HS6ST3: variants seen among roughly 807,000 people sequenced by gnomAD.
HS6ST3 encodes heparan sulfate 6-O-sulfotransferase 3.
In HS6ST3, 12 loss-of-function variants were observed where a neutral mutation model predicts 36.7. The observed-to-expected ratio is 0.33, with a 90% confidence interval of 0.21 to 0.53. The LOEUF is 0.53. Ranked by LOEUF, HS6ST3 falls within the 20% of genes least tolerant of loss-of-function variation. The pLI, the probability that HS6ST3 is intolerant of heterozygous loss-of-function variation, is 0.95. For missense variants in HS6ST3, 584 were observed against 640.9 expected, an observed-to-expected ratio of 0.91 and a Z score of 0.96; for synonymous variants, 240 against 257.5, an observed-to-expected ratio of 0.93 and a Z score of 0.65.
intron 1 of HS6ST3, among the ~76,000 whole-genome samples, chr13:96,296,319 A>G (rs998958004): frequency 1.4e-4 from 22 of 152,196 alleles, no homozygotes; most frequent in Admixed American, 1.3e-4. Context: ...CAGTATTAAT[A>G]TCAAAAGTAT....
At chr13:96,234,086 G>A (rs1182763164) in intron 1 of HS6ST3, among the ~76,000 whole-genome samples, 1 of 148,296 alleles carries the variant, frequency 6.7e-6, no homozygotes, top group Non-Finnish European at 1.5e-5. Flanking sequence ...TTGGGTCTTT[G>A]TTTTTTCATC....
At chr13:96,175,748 C>T (rs1033043989) in intron 1 of HS6ST3, among the ~76,000 whole-genome samples, 2 of 148,926 alleles carry the variant, frequency 1.3e-5, no homozygotes, top group Non-Finnish European at 3.0e-5. Context: ...CTTCTCACAT[C>T]TTCAAAGCGG....
intron 1 of HS6ST3, among the ~76,000 whole-genome samples, chr13:96,770,836 A>G (rs1393585196): frequency 6.6e-6 from 1 of 152,212 alleles, no homozygotes; most frequent in African/African-American, 2.4e-5. Context: ...GAGGTTGCAC[A>G]TGCATAATCA....
intron 1 of HS6ST3, among the ~76,000 whole-genome samples, chr13:96,787,119 T>A (rs950533206): frequency 1.3e-5 from 2 of 152,214 alleles, no homozygotes; most frequent in Non-Finnish European, 2.9e-5. Flanking sequence ...GTTTATCTAT[T>A]CACCTGTTGG....
intron 1 of HS6ST3, among the ~76,000 whole-genome samples, chr13:96,180,094 CA>C (rs1409051502): frequency 6.6e-6 from 1 of 152,180 alleles, no homozygotes; most frequent in Non-Finnish European, 1.5e-5. Flanking sequence ...CTCAGCCTCC[CA>C]AAGTGTTGGG....
Position 96,582,654 on chromosome 13 carries a change from A to G in HS6ST3, c.708-249836A>G, listed in dbSNP as rs115803497. Among the ~76,000 whole-genome samples the G allele has an allele frequency of 5.8e-3, 881 of 152,270 alleles. 5 individuals carry two copies. Among genetic ancestry groups the G allele is most frequent in the African/African-American group, 0.02 (833 of 41,570 alleles). On this transcript the variant is annotated intron_variant, in intron 1 of 1. Transcript: ENST00000376705. ...AAATTTCAGAATTGATTAGGTACTT[A>G]TCTGATCTCCTGTATAAATAATATA...
intron 1 of HS6ST3, among the ~76,000 whole-genome samples, chr13:96,095,595 G>A (rs2053786244): frequency 6.6e-6 from 1 of 152,142 alleles, no homozygotes. Flanking sequence ...CTGGAGATTT[G>A]GGGTCTTTCT....
chr13:96,485,456 T>C (rs2055909443), intron 1 of HS6ST3, among the ~76,000 whole-genome samples: 1 of 152,208 alleles, frequency 6.6e-6, no homozygotes, highest in Non-Finnish European at 1.5e-5. Flanking sequence ...CTTGCTGTAA[T>C]TGTCTACAAG....
chr13:96,558,731 AATG>A (rs1258620169), intron 1 of HS6ST3, among the ~76,000 whole-genome samples: 1 of 152,210 alleles, frequency 6.6e-6, no homozygotes, highest in Admixed American at 6.5e-5. Flanking sequence ...TCATTTTAAG[AATG>A]ATAATTGTAA....
intron 1 of HS6ST3, among the ~76,000 whole-genome samples, chr13:96,206,382 C>A (rs994138371): frequency 1.3e-5 from 2 of 152,168 alleles, no homozygotes; most frequent in African/African-American, 4.8e-5. Context: ...GGCCATACTG[C>A]CCAAAGTAGT....
At position 96,538,696 on chromosome 13, in the gene HS6ST3, G is replaced by A. The variant is rs151119933; in HGVS notation, c.708-293794G>A. Among the ~76,000 whole-genome samples the A allele has an allele frequency of 5.6e-4, 86 of 152,276 alleles. No homozygotes were observed. The East Asian group carries it at 0.014, about 25-fold the overall frequency. The stretch of plus-strand genomic sequence containing the variant: ...TGGCCTCAAGTGATCCGCCTGCCTC[G>A]GCCTCCCATAGTGCTGGGATTACAG... On this transcript the variant is annotated intron_variant, in intron 1 of 1. Coordinates refer to ENST00000376705, the MANE Select transcript of HS6ST3 (RefSeq NM_153456.4).
chr13:96,814,066 C>G (rs1301082181), intron 1 of HS6ST3, among the ~76,000 whole-genome samples: 1 of 152,072 alleles, frequency 6.6e-6, no homozygotes, highest in Non-Finnish European at 1.5e-5. Flanking sequence ...GAAAAATTTG[C>G]TCTCCTGTAT....
chr13:96,519,202 A>G (rs2056083980), intron 1 of HS6ST3, among the ~76,000 whole-genome samples: 1 of 152,298 alleles, frequency 6.6e-6, no homozygotes, highest in African/African-American at 2.4e-5. Context: ...CGCAAGGTTA[A>G]TGCTGCCTTT....
intron 1 of HS6ST3, among the ~76,000 whole-genome samples, chr13:96,365,205 C>G (rs1192280247): frequency 6.6e-6 from 1 of 152,128 alleles, no homozygotes; most frequent in Non-Finnish European, 1.5e-5. Context: ...ATGTACTTTG[C>G]CAGGTCTGGG....
chr13:96,326,364 TC>T (rs2055031678), intron 1 of HS6ST3, among the ~76,000 whole-genome samples: 1 of 135,302 alleles, frequency 7.4e-6, no homozygotes, highest in Non-Finnish European at 1.5e-5. Flanking sequence ...TGTGTGATGT[TC>T]CCCTTCCCGT....
chr13:96,217,575 A>C (rs2054433368), intron 1 of HS6ST3, among the ~76,000 whole-genome samples: 1 of 152,162 alleles, frequency 6.6e-6, no homozygotes, highest in African/African-American at 2.4e-5. Context: ...CCATCCATCC[A>C]TCCATCCATC....
At chr13:96,831,790 A>G (rs1875957959) in intron 1 of HS6ST3, among the ~76,000 whole-genome samples, 1 of 151,910 alleles carries the variant, frequency 6.6e-6, no homozygotes, top group Admixed American at 6.6e-5. Context: ...CCCCATCTCT[A>G]TTAAAAATAC....
At position 96,304,711 on chromosome 13, in the gene HS6ST3, C is replaced by CTTTCTTTCTTTCT. The variant is rs766397124; in HGVS notation, c.707+213145_707+213146insCTTTCTTTCTTTT. 3.4e-4 allele frequency among the ~76,000 whole-genome samples: 30 copies of CTTTCTTTCTTTCT among 89,324 alleles called. 1 individual carries two copies. Among genetic ancestry groups the CTTTCTTTCTTTCT allele is most frequent in the Non-Finnish European group, 5.7e-4 (25 of 43,874 alleles). The allele number at this position is 89,324 out of a possible 152,430, so 58.6% of individuals were successfully genotyped here. A position where few individuals can be genotyped will look rare whatever the true frequency, so the allele number is the denominator to read the frequency against. ...TCTTTCTTTCTTTCTTTCTTTCTTTCTTTTTTTTTTTTTTTTTTTTACAGA... is the reference window on the plus strand; with the variant it reads ...TCTTTCTTTCTTTCTTTCTTTCTTTCTTTCTTTCTTTCTTTTTTTTTTTTTTTTTTTTTACAGA... On this transcript the variant is annotated intron_variant, in intron 1 of 1. Coordinates refer to ENST00000376705, the MANE Select transcript of HS6ST3 (RefSeq NM_153456.4).
At chr13:96,796,638 G>A (rs796518997) in intron 1 of HS6ST3, among the ~76,000 whole-genome samples, 10 of 152,046 alleles carry the variant, frequency 6.6e-5, no homozygotes, top group African/African-American at 1.2e-4. Flanking sequence ...TTAAATTCAC[G>A]AAGTTTTGGT....
Sources: allele counts gnomAD v4.1 joint callset (sites outside exome capture counted in the v4.1 genomes callset), GRCh38; gene constraint gnomAD v4.1.1; transcripts MANE v1.5; gene names NCBI Gene and HGNC (gene_info 2026-07-23, HGNC 2026-07-21).